The following NPFFR2 variants were observed in gnomAD, a reference collection of about 807,000 sequenced individuals.
NPFFR2 encodes G-protein coupled receptor 74.
A neutral mutation model predicts 13.1 loss-of-function variants in NPFFR2; 15 were observed. The observed-to-expected ratio is 1.15, with a 90% CI of 0.77 to 1.76. NPFFR2 has a LOEUF of 1.76. NPFFR2 is among the 40% of genes most tolerant of loss of function. The pLI is 0.00. For missense variants in NPFFR2, 572 were observed against 503.5 expected (o/e 1.14, Z -1.30); for synonymous variants, 190 against 175.7 (o/e 1.08, Z -0.65).
At chr4:72,088,956 G>A (rs537889900) in intron 1 of NPFFR2, among the ~76,000 whole-genome samples, 70 of 151,994 alleles carry the variant, frequency 4.6e-4, no homozygotes, top group African/African-American at 9.9e-4. Flanking sequence ...TGTACCCAGC[G>A]TGTAGTCTTT....
chr4:72,146,876 G>C lies in NPFFR2; in HGVS notation c.429-102G>C, dbSNP rs577871400. 123 of 744,574 alleles carry C rather than the reference G, an allele frequency of 1.7e-4. No homozygotes were observed. In the African/African-American group the frequency reaches 2.0e-3, roughly 12 times the overall value. 46.1% of individuals were successfully genotyped at this position (744,574 alleles called of 1,614,324 possible). A position where few individuals can be genotyped will look rare whatever the true frequency, so the allele number is the denominator to read the frequency against. On this transcript the variant is annotated intron_variant, in intron 3 of 3. Transcript: ENST00000308744. ...TGGTAACTTTCTATATTTTTGAGGA[G>C]ACTGTAGGGTGAGAGGCCTGTAACT...
At chr4:72,037,801 G>C (rs570542845) in intron 1 of NPFFR2, among the ~76,000 whole-genome samples, 1 of 152,164 alleles carries the variant, frequency 6.6e-6, no homozygotes, top group South Asian at 2.1e-4. Context: ...TTTTTCAGCT[G>C]GAAAAACTAC....
In NPFFR2 at chr4:72,032,191, G is replaced by T. The variant is rs781695852; in HGVS notation, c.-17G>T. ...CTGGTTCCTGCCGCCGACAGGGCTCGCCGGGAGAGGTAACAGCATGGGCCA... is the reference window on the plus strand; with the variant it reads ...CTGGTTCCTGCCGCCGACAGGGCTCTCCGGGAGAGGTAACAGCATGGGCCA... On this transcript the variant is annotated 5_prime_UTR_variant, in exon 1 of 4. Transcript: ENST00000308744. 17 of 1,607,986 alleles carry T rather than the reference G, an allele frequency of 1.1e-5. No homozygotes were observed. The highest frequency in any genetic ancestry group is 1.3e-5 in the Non-Finnish European group (15 of 1,176,694).
At chr4:72,112,546 G>C (rs1320539938) in intron 1 of NPFFR2, among the ~76,000 whole-genome samples, 2 of 152,002 alleles carry the variant, frequency 1.3e-5, no homozygotes, top group African/African-American at 4.8e-5. Flanking sequence ...ACAGGAGACA[G>C]AAGCTCTCCA....
At chr4:72,121,274 A>G (rs1721867869) in intron 1 of NPFFR2, among the ~76,000 whole-genome samples, 1 of 152,172 alleles carries the variant, frequency 6.6e-6, no homozygotes, top group Non-Finnish European at 1.5e-5. Flanking sequence ...CCTTTGTTTG[A>G]CTGGTGTACC....
intron 1 of NPFFR2, among the ~76,000 whole-genome samples, chr4:72,067,289 G>A (rs1720103186): frequency 6.6e-6 from 1 of 151,784 alleles, no homozygotes; most frequent in Non-Finnish European, 1.5e-5. Flanking sequence ...ACCAGAATAT[G>A]GAAAGAAAGG....
chr4:72,109,901 G>T (rs536463011), intron 1 of NPFFR2, among the ~76,000 whole-genome samples: 4 of 151,968 alleles, frequency 2.6e-5, no homozygotes, highest in Admixed American at 1.3e-4. Context: ...ACATAATCCA[G>T]AAACTCTCAT....
chr4:72,071,330 T>A (rs4472108), intron 1 of NPFFR2, among the ~76,000 whole-genome samples: 5 of 152,022 alleles, frequency 3.3e-5, no homozygotes, highest in African/African-American at 1.2e-4. Context: ...ACAGGCAAGA[T>A]TTGACACTTT....
At chr4:72,052,551 C>CA (rs1318727013) in intron 1 of NPFFR2, among the ~76,000 whole-genome samples, 1 of 152,014 alleles carries the variant, frequency 6.6e-6, no homozygotes, top group African/African-American at 2.4e-5. Context: ...ACTGAATGAG[C>CA]AAAAACTGGA....
At chr4:72,136,187 C>T (rs927735263) in intron 2 of NPFFR2, among the ~76,000 whole-genome samples, 3 of 152,010 alleles carry the variant, frequency 2.0e-5, no homozygotes, top group Admixed American at 6.6e-5. Context: ...GAGACCCCAT[C>T]TCTACTAAAA....
intron 1 of NPFFR2, among the ~76,000 whole-genome samples, chr4:72,108,289 TAAAG>T (rs1304987349): frequency 3.3e-5 from 5 of 152,176 alleles, no homozygotes; most frequent in Admixed American, 2.6e-4. Context: ...AAGAATTAAA[TAAAG>T]AAGGCTTATC....
At chr4:72,067,061 G>A (rs761110322) in intron 1 of NPFFR2, among the ~76,000 whole-genome samples, 6 of 152,062 alleles carry the variant, frequency 3.9e-5, no homozygotes, top group Admixed American at 2.6e-4. Context: ...TCCTCTCCCT[G>A]GGCCCCGATC....
intron 1 of NPFFR2, 121 bp downstream of exon 1, chr4:72,032,321 A>T: frequency 8.7e-7 from 1 of 1,148,932 alleles, no homozygotes; most frequent in East Asian, 2.7e-5. Context: ...TGGATTTTTC[A>T]AATCCCTTCC....
chr4:72,072,570 G>T (rs935465844), intron 1 of NPFFR2, among the ~76,000 whole-genome samples: 1 of 152,092 alleles, frequency 6.6e-6, no homozygotes, highest in Non-Finnish European at 1.5e-5. Context: ...TATGAGTCCT[G>T]TGGGACACCA....
intron 1 of NPFFR2, among the ~76,000 whole-genome samples, chr4:72,043,265 T>C (rs1306918959): frequency 3.1e-5 from 1 of 32,534 alleles, no homozygotes; most frequent in East Asian, 2.7e-4. Flanking sequence ...GGCTGATCGC[T>C]TGTGGAGAAC....
At chr4:72,060,870 G>A (rs779190855) in intron 1 of NPFFR2, among the ~76,000 whole-genome samples, 6 of 152,048 alleles carry the variant, frequency 3.9e-5, no homozygotes, top group Non-Finnish European at 8.8e-5. Flanking sequence ...AAAAACCTGT[G>A]ATAATTTAAG....
At chr4:72,109,559 C>A (rs1049586886) in intron 1 of NPFFR2, among the ~76,000 whole-genome samples, 1 of 151,972 alleles carries the variant, frequency 6.6e-6, no homozygotes, top group East Asian at 1.9e-4. Context: ...CCAGTGCCTG[C>A]TCACTTCAAG....
rs930201192 is a variant in NPFFR2 at position 72,124,429 on chromosome 4, A to T, written c.-7-4156A>T. 2.6e-5 allele frequency among the ~76,000 whole-genome samples: 4 copies of T among 152,158 alleles called. No individual in the cohort carries two copies. In the South Asian group the frequency reaches 8.3e-4, roughly 31 times the overall value. On this transcript the variant is annotated intron_variant, in intron 1 of 3. Coordinates refer to ENST00000308744, the MANE Select transcript of NPFFR2 (RefSeq NM_004885.3). ...TTCATATGGAACCAAAAAAGAGCCC[A>T]TATAGCCAAGACAATTCTAAGCAAA...
intron 1 of NPFFR2, among the ~76,000 whole-genome samples, chr4:72,062,197 G>A (rs1358116101): frequency 1.3e-5 from 2 of 151,822 alleles, no homozygotes; most frequent in Non-Finnish European, 2.9e-5. Flanking sequence ...AATCAGCATT[G>A]CTTTTACATA....
Sources: gnomAD v4.1 joint callset for allele counts (sites outside exome capture counted in the v4.1 genomes callset) on GRCh38, gnomAD v4.1.1 for gene constraint, MANE v1.5 for transcripts, NCBI Gene and HGNC (gene_info 2026-07-23, HGNC 2026-07-21) for gene names.